The following KCNS3 variants were observed in gnomAD, a reference collection of about 807,000 sequenced individuals.
KCNS3 encodes the protein potassium voltage-gated channel modifier subfamily S member 3, also known as delayed-rectifier potassium channel regulatory subunit KCNS3.
KCNS3 carries 13 observed loss-of-function variants against 31.0 expected under a neutral mutation model. The ratio of observed to expected loss-of-function variants is 0.42; its 90% CI spans 0.27 to 0.67. The LOEUF (loss-of-function observed/expected upper bound fraction) is 0.67. KCNS3 is among the 30% of genes least tolerant of loss of function. The probability of loss-of-function intolerance (pLI) is 0.25; values close to 1 mark genes in which losing one functional copy is unlikely to be tolerated. For missense variants in KCNS3, 545 were observed against 622.4 expected, an observed-to-expected ratio of 0.88 and a Z score of 1.32; for synonymous variants, 238 against 241.5, an observed-to-expected ratio of 0.99 and a Z score of 0.13.
chr2:17,886,150 TATAGAG>T (rs1372532092), intron 1 of KCNS3, among the ~76,000 whole-genome samples: 1 of 152,198 alleles, frequency 6.6e-6, no homozygotes, highest in African/African-American at 2.4e-5. Flanking sequence ...ATAATTAGTG[TATAGAG>T]ATAAAAGAAT....
intron 1 of KCNS3, among the ~76,000 whole-genome samples, chr2:17,912,550 C>T (rs1162443144): frequency 6.6e-6 from 1 of 152,218 alleles, no homozygotes; most frequent in African/African-American, 2.4e-5. Context: ...GCACACCCTT[C>T]CGCAGGGAAG....
intron 1 of KCNS3, among the ~76,000 whole-genome samples, chr2:17,899,707 C>G (rs1298192995): frequency 6.6e-6 from 1 of 152,096 alleles, no homozygotes; most frequent in African/African-American, 2.4e-5. Flanking sequence ...AAAGTAAGCA[C>G]TATATAAAGG....
At chr2:17,920,361 T>G (rs910153613) in intron 2 of KCNS3, among the ~76,000 whole-genome samples, 17 of 152,204 alleles carry the variant, frequency 1.1e-4, no homozygotes, top group African/African-American at 4.1e-4. Flanking sequence ...TGTATATGTG[T>G]ATGAGTCAGC....
chr2:17,888,659 A>G (rs914458798), intron 1 of KCNS3, among the ~76,000 whole-genome samples: 2 of 137,892 alleles, frequency 1.5e-5, no homozygotes, highest in African/African-American at 2.6e-5. Context: ...ATATATATAT[A>G]TATATATATA....
At chr2:17,909,505 G>A (rs1662421728) in intron 1 of KCNS3, among the ~76,000 whole-genome samples, 1 of 152,150 alleles carries the variant, frequency 6.6e-6, no homozygotes, top group South Asian at 2.1e-4. Flanking sequence ...GATGAACCCG[G>A]TACCTCAGTT....
intron 1 of KCNS3, among the ~76,000 whole-genome samples, chr2:17,907,950 T>A (rs1340612993): frequency 3.9e-5 from 6 of 152,226 alleles, no homozygotes; most frequent in Admixed American, 3.9e-4. Flanking sequence ...GGAGTTGCTC[T>A]TCTCGAGGAG....
chr2:17,920,343 T>G (rs112175416), intron 2 of KCNS3, among the ~76,000 whole-genome samples: 1 of 152,188 alleles, frequency 6.6e-6, no homozygotes, highest in African/African-American at 2.4e-5. Flanking sequence ...GAGACAGCCA[T>G]GAGCTTGTGT....
chr2:17,900,521 G>A (rs187558957), intron 1 of KCNS3, among the ~76,000 whole-genome samples: 7 of 152,162 alleles, frequency 4.6e-5, no homozygotes, highest in African/African-American at 7.2e-5. Flanking sequence ...ATGGAGTCTC[G>A]CTGTGTCGCC....
chr2:17,932,564 T>TA lies in KCNS3; in HGVS notation c.*84dup. 7.1e-7 allele frequency: 1 copy of TA among 1,402,998 alleles called. No individual in the cohort carries two copies. Among genetic ancestry groups the TA allele is most frequent in the Non-Finnish European group, 9.7e-7 (1 of 1,033,258 alleles). The allele number at this position is 1,402,998 out of a possible 1,614,324, so 86.9% of individuals were successfully genotyped here. A position where few individuals can be genotyped will look rare whatever the true frequency, so the allele number is the denominator to read the frequency against. On this transcript the variant is annotated 3_prime_UTR_variant, in exon 3 of 3. Coordinates refer to ENST00000304101, the MANE Select transcript of KCNS3 (RefSeq NM_002252.5). ...GCTTTATAAACCTCAGTGGGTTCGT[T>TA]AAAATCATTTAATTCTCAGGGTGTA... is the stretch of plus-strand genomic sequence containing the variant.
intron 1 of KCNS3, among the ~76,000 whole-genome samples, chr2:17,897,874 T>C (rs999070682): frequency 4.6e-5 from 7 of 152,168 alleles, no homozygotes; most frequent in Non-Finnish European, 8.8e-5. Context: ...GTATTTCCTT[T>C]AATAAATGAC....
intron 1 of KCNS3, among the ~76,000 whole-genome samples, chr2:17,905,555 G>C (rs1662293772): frequency 6.6e-6 from 1 of 152,190 alleles, no homozygotes; most frequent in South Asian, 2.1e-4. Flanking sequence ...CAAAGGGAAT[G>C]CTTCCAGTTT....
At chr2:17,925,949 C>T (rs1662828291) in intron 2 of KCNS3, among the ~76,000 whole-genome samples, 1 of 152,210 alleles carries the variant, frequency 6.6e-6, no homozygotes, top group Admixed American at 6.5e-5. Context: ...TCCCTTCTAC[C>T]TAGGAGCCTC....
intron 1 of KCNS3, among the ~76,000 whole-genome samples, chr2:17,907,122 G>A (rs527502699): frequency 6.6e-6 from 1 of 152,146 alleles, no homozygotes; most frequent in African/African-American, 2.4e-5. Flanking sequence ...CTAAGGACTT[G>A]CTTTATGAAT....
chr2:17,920,032 C>G (rs955679556), intron 2 of KCNS3, among the ~76,000 whole-genome samples: 1 of 151,986 alleles, frequency 6.6e-6, no homozygotes, highest in East Asian at 1.9e-4. Context: ...TTAGCATGAC[C>G]TACTCTTTAA....
intron 2 of KCNS3, among the ~76,000 whole-genome samples, chr2:17,925,534 A>G (rs554544514): frequency 6.6e-6 from 1 of 152,342 alleles, no homozygotes; most frequent in African/African-American, 2.4e-5. Flanking sequence ...CCGCAGGGCT[A>G]GGGGGTCTCA....
chr2:17,895,959 A>C (rs78570675), intron 1 of KCNS3, among the ~76,000 whole-genome samples: 1,728 of 152,326 alleles, frequency 0.011, 30 homozygotes, highest in African/African-American at 0.04. Flanking sequence ...GATAGAGTTT[A>C]GACTCCATCC....
chr2:17,886,682 G>A (rs984471899), intron 1 of KCNS3, among the ~76,000 whole-genome samples: 30 of 150,098 alleles, frequency 2.0e-4, no homozygotes, highest in Admixed American at 2.7e-4. Flanking sequence ...CCATCCGTCC[G>A]TCCATCCATC....
chr2:17,907,550 A>C (rs1662358171), intron 1 of KCNS3, among the ~76,000 whole-genome samples: 1 of 152,202 alleles, frequency 6.6e-6, no homozygotes, highest in South Asian at 2.1e-4. Flanking sequence ...GTTTATTCCT[A>C]GCATCGATGA....
At chr2:17,890,526 G>T (rs567372897) in intron 1 of KCNS3, among the ~76,000 whole-genome samples, 1 of 151,484 alleles carries the variant, frequency 6.6e-6, no homozygotes, top group East Asian at 1.9e-4. Context: ...TAGATTGTCT[G>T]TTTGTGCTCT....
Sources: gnomAD v4.1 joint callset for allele counts (sites outside exome capture counted in the v4.1 genomes callset) on GRCh38, gnomAD v4.1.1 for gene constraint, MANE v1.5 for transcripts, NCBI Gene and HGNC (gene_info 2026-07-23, HGNC 2026-07-21) for gene names.